ZNF385B: variants seen among roughly 807,000 people sequenced by gnomAD.
ZNF385B encodes zinc finger protein 533.
ZNF385B carries 23 observed loss-of-function variants against 39.2 expected under a neutral mutation model. The ratio of observed to expected loss-of-function variants is 0.59; its 90% confidence interval spans 0.42 to 0.83. ZNF385B has a LOEUF of 0.83. Ranked by LOEUF, ZNF385B falls within the 40% of genes least tolerant of loss-of-function variation. ZNF385B has a pLI of 0.00. For synonymous variants in ZNF385B, 205 were observed against 222.6 expected, an observed-to-expected ratio of 0.92 and a Z score of 0.70; for missense variants, 552 against 598.9, an observed-to-expected ratio of 0.92 and a Z score of 0.82.
intron 3 of ZNF385B, among the ~76,000 whole-genome samples, chr2:179,748,248 G>C (rs185209237): frequency 1.5e-3 from 228 of 151,992 alleles, no homozygotes; most frequent in Admixed American, 0.015. Context: ...AGATAGGCAA[G>C]AAGAAGCCAC....
At chr2:179,604,787 T>C (rs1688669881) in intron 3 of ZNF385B, among the ~76,000 whole-genome samples, 1 of 152,144 alleles carries the variant, frequency 6.6e-6, no homozygotes, top group Admixed American at 6.5e-5. Flanking sequence ...CTGGAGGGAA[T>C]GTCTCCAACT....
At chr2:179,663,805 G>A (rs1177119392) in intron 3 of ZNF385B, among the ~76,000 whole-genome samples, 3 of 150,700 alleles carry the variant, frequency 2.0e-5, no homozygotes, top group Non-Finnish European at 2.9e-5. Flanking sequence ...CTAGCTATGC[G>A]TCAGGCATCC....
chr2:179,555,035 T>G (rs970929196), intron 3 of ZNF385B, among the ~76,000 whole-genome samples: 3 of 149,532 alleles, frequency 2.0e-5, no homozygotes, highest in Non-Finnish European at 4.4e-5. Flanking sequence ...AGAATGCTTA[T>G]GGCAATATTC....
At chr2:179,838,087 T>G (rs78381279) in intron 1 of ZNF385B, among the ~76,000 whole-genome samples, 2,574 of 152,204 alleles carry the variant, frequency 0.017, 34 homozygotes, top group South Asian at 0.03. Flanking sequence ...CAAGGCCCAG[T>G]GTAGAAAAAA....
At position 179,861,474 on chromosome 2, in the gene ZNF385B, G is replaced by T. The variant is rs1685067742; in HGVS notation, c.-528C>A. The T allele has an allele frequency of 6.6e-6, 1 of 152,190 alleles. No individual in the cohort carries two copies. The highest frequency in any genetic ancestry group is 6.6e-5 in the Admixed American group (1 of 15,202). The allele number at this position is 152,190 out of a possible 1,614,324, so 9.4% of individuals were successfully genotyped here. On this transcript the variant is annotated 5_prime_UTR_variant, in exon 1 of 10. Transcript: ENST00000410066. ...GCCCCGCCGCACGCCCGCCCCCCTG[G>T]CCTGGCCGAGGACCCCGGGGTTTGG... is the stretch of plus-strand genomic sequence containing the variant.
intron 3 of ZNF385B, among the ~76,000 whole-genome samples, chr2:179,623,264 C>T (rs1257703202): frequency 4.6e-5 from 7 of 151,608 alleles, no homozygotes; most frequent in Admixed American, 4.6e-4. Flanking sequence ...TTCTAGTGGA[C>T]ATTTGTCTTT....
intron 4 of ZNF385B, among the ~76,000 whole-genome samples, chr2:179,535,510 A>T (rs1192854965): frequency 6.6e-6 from 1 of 152,192 alleles, no homozygotes; most frequent in Admixed American, 6.5e-5. Flanking sequence ...AGAAGACTCA[A>T]TTCTATTCTT....
chr2:179,451,307 G>T lies in ZNF385B; in HGVS notation c.716-4537C>A, dbSNP rs2050129377. On this transcript the variant is annotated intron_variant, in intron 6 of 9. Coordinates refer to ENST00000410066, the MANE Select transcript of ZNF385B (RefSeq NM_152520.6). ...GGAAGAAAATGAGTGGGAAGTGAAT[G>T]GTTGGAAGCAGAAACATAAGGAAAT... is the stretch of plus-strand genomic sequence containing the variant. Among the ~76,000 whole-genome samples the T allele has an allele frequency of 1.3e-5, 2 of 151,206 alleles. 1 individual carries two copies. The highest frequency in any genetic ancestry group is 4.2e-4 in the South Asian group (2 of 4,754).
At chr2:179,747,103 G>T (rs982997287) in intron 3 of ZNF385B, among the ~76,000 whole-genome samples, 2 of 152,054 alleles carry the variant, frequency 1.3e-5, no homozygotes, top group African/African-American at 2.4e-5. Flanking sequence ...ATAAATGACT[G>T]GGTTCAGTTC....
intron 3 of ZNF385B, among the ~76,000 whole-genome samples, chr2:179,681,641 T>G (rs1697523558): frequency 6.6e-6 from 1 of 152,214 alleles, no homozygotes; most frequent in South Asian, 2.1e-4. Context: ...TTGATCACAA[T>G]GGGTATCAGG....
intron 1 of ZNF385B, among the ~76,000 whole-genome samples, chr2:179,777,884 C>T (rs1030723890): frequency 9.9e-5 from 15 of 151,684 alleles, no homozygotes; most frequent in Admixed American, 3.9e-4. Context: ...GCAATTCTCC[C>T]GCCTCAGCCT....
chr2:179,810,043 T>C (rs2106565411), intron 1 of ZNF385B, among the ~76,000 whole-genome samples: 1 of 152,130 alleles, frequency 6.6e-6, no homozygotes, highest in African/African-American at 2.4e-5. Context: ...GTCAGTAATC[T>C]TTGAAAAGGG....
intron 3 of ZNF385B, among the ~76,000 whole-genome samples, chr2:179,638,531 TG>T (rs1405617462): frequency 6.6e-6 from 1 of 152,104 alleles, no homozygotes; most frequent in Non-Finnish European, 1.5e-5. Context: ...AGAATGGAAA[TG>T]CAAATATGAA....
intron 3 of ZNF385B, among the ~76,000 whole-genome samples, chr2:179,603,028 A>T (rs534375272): frequency 6.6e-6 from 1 of 152,214 alleles, no homozygotes; most frequent in Non-Finnish European, 1.5e-5. Flanking sequence ...AAATTAAACA[A>T]TGTGATTCTT....
chr2:179,596,925 A>G (rs773367722), intron 3 of ZNF385B, among the ~76,000 whole-genome samples: 1 of 152,194 alleles, frequency 6.6e-6, no homozygotes, highest in Non-Finnish European at 1.5e-5. Flanking sequence ...AAATTTCCTT[A>G]GCTAGATATC....
intron 6 of ZNF385B, among the ~76,000 whole-genome samples, chr2:179,467,440 G>A (rs867061259): frequency 1.3e-5 from 2 of 152,204 alleles, no homozygotes; most frequent in African/African-American, 2.4e-5. Context: ...TATGGTGTCT[G>A]CCATTTTGTA....
At chr2:179,507,971 T>C (rs1201646468) in intron 5 of ZNF385B, among the ~76,000 whole-genome samples, 1 of 152,212 alleles carries the variant, frequency 6.6e-6, no homozygotes, top group Admixed American at 6.5e-5. Flanking sequence ...GGCAAAATGC[T>C]GTCGCTTCAT....
At chr2:179,529,474 T>A (rs2059126606) in intron 4 of ZNF385B, among the ~76,000 whole-genome samples, 1 of 152,184 alleles carries the variant, frequency 6.6e-6, no homozygotes, top group African/African-American at 2.4e-5. Flanking sequence ...ATACATAAGA[T>A]TTTAAAGATC....
In ZNF385B at chr2:179,769,790, G is replaced by T. The variant is rs566881226; in HGVS notation, c.11C>A (p.Ser4Tyr). Reference sequence around the variant, plus strand: ...TTCAAGATGGTTGTCAGGGCTTAAGGAGTACCTCATGCCTGAAAAACAAAA... The same window carrying T: ...TTCAAGATGGTTGTCAGGGCTTAAGTAGTACCTCATGCCTGAAAAACAAAA... MRY[S>Y]LSPDNHLEDG... Residue 4 changes from serine to tyrosine, a missense_variant, in exon 3 of 10, where the codon TCC (serine) becomes TAC (tyrosine). Physicochemically the swap from Ser to Tyr is moderately radical, Grantham distance 144 (BLOSUM62 -2). Transcript: ENST00000410066. 6.2e-7 allele frequency: 1 copy of T among 1,609,890 alleles called. No homozygotes were observed. The highest frequency in any genetic ancestry group is 1.3e-5 in the African/African-American group (1 of 74,790).
Sources: allele counts gnomAD v4.1 joint callset (sites outside exome capture counted in the v4.1 genomes callset), GRCh38; gene constraint gnomAD v4.1.1; transcripts MANE v1.5; gene names NCBI Gene and HGNC (gene_info 2026-07-23, HGNC 2026-07-21).